RHBDL3: variants seen among roughly 807,000 people sequenced by gnomAD.
RHBDL3 encodes rhomboid like 3, also known as rhomboid-related protein 3.
Under a neutral mutation model 48.2 loss-of-function variants are expected in RHBDL3, and 28 were observed. The observed-to-expected ratio is 0.58, with a 90% confidence interval of 0.43 to 0.80. The LOEUF is 0.80. Among genes scored for constraint, RHBDL3 ranks in the 30% least tolerant of loss-of-function variants. The pLI is 0.00. For synonymous variants in RHBDL3, 208 were observed against 232.3 expected (o/e 0.90, Z 0.95); for missense variants, 464 against 542.7 (o/e 0.85, Z 1.44).
At chr17:32,299,981 C>G (rs1428026602) in intron 6 of RHBDL3, among the ~76,000 whole-genome samples, 1 of 152,184 alleles carries the variant, frequency 6.6e-6, no homozygotes, top group East Asian at 1.9e-4. Flanking sequence ...CCAGCCAGCC[C>G]TAGATTGGAC....
intron 7 of RHBDL3, among the ~76,000 whole-genome samples, chr17:32,307,370 T>G (rs1206573176): frequency 2.0e-5 from 3 of 152,234 alleles, no homozygotes; most frequent in Non-Finnish European, 4.4e-5. Flanking sequence ...GTTTGAATGC[T>G]CAATGATCAC....
intron 8 of RHBDL3, 97 bp downstream of exon 8, chr17:32,316,389 G>A (rs202210287): frequency 1.6e-5 from 14 of 851,626 alleles, no homozygotes; most frequent in Middle Eastern, 3.2e-4. Context: ...TTATGGTCAA[G>A]AAAAAAAAAG....
At chr17:32,318,325 TAAAAA>T (rs756087293) in intron 8 of RHBDL3, among the ~76,000 whole-genome samples, 132 of 144,724 alleles carry the variant, frequency 9.1e-4, no homozygotes, top group Middle Eastern at 3.6e-3. Context: ...GACCTTGCCT[TAAAAA>T]AAAAAAAAAG....
At chr17:32,276,046 G>A (rs914503433) in intron 2 of RHBDL3, among the ~76,000 whole-genome samples, 1 of 152,192 alleles carries the variant, frequency 6.6e-6, no homozygotes, top group African/African-American at 2.4e-5. Flanking sequence ...CAGGCAGGGG[G>A]CATGTCTCTG....
intron 7 of RHBDL3, among the ~76,000 whole-genome samples, chr17:32,311,463 G>A (rs184052255): frequency 1.5e-4 from 23 of 152,306 alleles, no homozygotes; most frequent in Admixed American, 1.2e-3. Flanking sequence ...TGGGACAGAC[G>A]GCCCAGGCAC....
chr17:32,284,845 G>T (rs183426523), intron 3 of RHBDL3, 28 bp downstream of exon 3: 1 of 1,596,792 alleles, frequency 6.3e-7, no homozygotes, highest in South Asian at 1.1e-5. Context: ...CTTGGTACTC[G>T]GGGGGACCTG....
At chr17:32,299,543 C>A (rs1205938786) in intron 6 of RHBDL3, among the ~76,000 whole-genome samples, 4 of 152,186 alleles carry the variant, frequency 2.6e-5, no homozygotes, top group Non-Finnish European at 5.9e-5. Context: ...TACCTCAATA[C>A]CCAGAGACCC....
At chr17:32,306,993 T>C (rs576253112) in intron 7 of RHBDL3, among the ~76,000 whole-genome samples, 1 of 152,332 alleles carries the variant, frequency 6.6e-6, no homozygotes, top group Non-Finnish European at 1.5e-5. Context: ...TAACCACCTA[T>C]ATAAATGTAA....
intron 6 of RHBDL3, among the ~76,000 whole-genome samples, chr17:32,300,872 C>T (rs2040566239): frequency 6.7e-6 from 1 of 148,846 alleles, no homozygotes; most frequent in African/African-American, 2.6e-5. Flanking sequence ...AAGCCCTGTG[C>T]TTCTTTCCTT....
At chr17:32,307,592 C>CTCAATG (rs2040741383) in intron 7 of RHBDL3, among the ~76,000 whole-genome samples, 1 of 152,166 alleles carries the variant, frequency 6.6e-6, no homozygotes, top group African/African-American at 2.4e-5. Context: ...CCTATACTTG[C>CTCAATG]TACTGGCCTG....
Position 32,266,161 on chromosome 17 carries a change from C to T in RHBDL3, c.-29C>T, listed in dbSNP as rs1317422949. The T allele has an allele frequency of 5.2e-6, 5 of 965,896 alleles. No homozygotes were observed. The highest frequency in any genetic ancestry group is 6.5e-6 in the Non-Finnish European group (5 of 765,610). 59.8% of individuals were successfully genotyped at this position (965,896 alleles called of 1,614,324 possible). A position where few individuals can be genotyped will look rare whatever the true frequency, so the allele number is the denominator to read the frequency against. On this transcript the variant is annotated 5_prime_UTR_variant, in exon 1 of 9. Transcript: ENST00000269051. ...GGCGCCCCGGGACGAGCCCCGCAGC[C>T]GCCGCCGCCCCCGGACCCCGTCTCG...
chr17:32,296,102 C>T (rs1197686825), intron 5 of RHBDL3, among the ~76,000 whole-genome samples: 1 of 151,690 alleles, frequency 6.6e-6, no homozygotes, highest in African/African-American at 2.4e-5. Context: ...GTGGCAGGCG[C>T]CTGTAGTCCC....
At chr17:32,310,907 T>G (rs2040834434) in intron 7 of RHBDL3, among the ~76,000 whole-genome samples, 3 of 119,944 alleles carry the variant, frequency 2.5e-5, no homozygotes, top group African/African-American at 3.0e-5. Flanking sequence ...AAAAAAAGGT[T>G]TACTTTATTA....
chr17:32,317,676 A>G (rs977724796), intron 8 of RHBDL3, among the ~76,000 whole-genome samples: 1 of 152,236 alleles, frequency 6.6e-6, no homozygotes, highest in African/African-American at 2.4e-5. Flanking sequence ...GTGAAATAGT[A>G]TGAGTCAGAT....
intron 4 of RHBDL3, among the ~76,000 whole-genome samples, chr17:32,291,510 G>A (rs548104982): frequency 3.9e-4 from 59 of 151,318 alleles, no homozygotes; most frequent in African/African-American, 1.3e-3. Context: ...GTAAAACCCC[G>A]TCTCTACTAA....
Position 32,321,102 on chromosome 17 carries a change from A to G in RHBDL3, c.1088A>G (p.Gln363Arg). 1.9e-6 allele frequency: 3 copies of G among 1,614,250 alleles called. No individual in the cohort carries two copies. Among genetic ancestry groups the G allele is most frequent in the Non-Finnish European group, 1.7e-6 (2 of 1,180,034 alleles). The stretch of plus-strand genomic sequence containing the variant: ...GTGGTGGTCCTGAGGAACTACGAGC[A>G]GAGGCTCCAGGACCAGTCACTGTGG... ...LGVVVLRNYE[Q>R]RLQDQSLWWI... The change falls in exon 9 of 9, where the codon CAG becomes CGG. Residue 363 changes from glutamine to arginine, a missense_variant. By Grantham distance (43) the Gln-to-Arg change is conservative (BLOSUM62 1). Coordinates refer to ENST00000269051, the MANE Select transcript of RHBDL3 (RefSeq NM_138328.3).
chr17:32,304,176 C>G (rs1320360177), intron 6 of RHBDL3, among the ~76,000 whole-genome samples: 1 of 152,216 alleles, frequency 6.6e-6, no homozygotes, highest in Non-Finnish European at 1.5e-5. Context: ...CATACCCTTC[C>G]TTTCCCCCAG....
chr17:32,273,880 C>T (rs976410753), intron 2 of RHBDL3, among the ~76,000 whole-genome samples: 2 of 152,126 alleles, frequency 1.3e-5, no homozygotes, highest in Admixed American at 6.5e-5. Context: ...GGATTACAGG[C>T]GTGTGCAATC....
In RHBDL3 at chr17:32,321,239, G is replaced by T. The variant is rs753465863; in HGVS notation, c.*10G>T. On this transcript the variant is annotated 3_prime_UTR_variant, in exon 9 of 9. Coordinates refer to ENST00000269051, the MANE Select transcript of RHBDL3 (RefSeq NM_138328.3). ...GCCGCCTCCCCCCTGAGGGCTGGAG[G>T]CCCAAGGTCGGGGAGGGGAGGGAAA... 20 of 1,614,124 alleles carry T rather than the reference G, an allele frequency of 1.2e-5. No individual in the cohort carries two copies. The South Asian group carries it at 2.0e-4, about 16-fold the overall frequency.
Sources: gnomAD v4.1 joint callset for allele counts (sites outside exome capture counted in the v4.1 genomes callset) on GRCh38, gnomAD v4.1.1 for gene constraint, MANE v1.5 for transcripts, NCBI Gene and HGNC (gene_info 2026-07-23, HGNC 2026-07-21) for gene names.